POLR3A: variants seen among roughly 807,000 people sequenced by gnomAD.
The protein encoded by POLR3A is RNA polymerase III subunit A.
In POLR3A, 112 loss-of-function variants were observed where a neutral mutation model predicts 152.8. The observed-to-expected ratio is 0.73, with a 90% confidence interval of 0.63 to 0.86. POLR3A has a LOEUF of 0.86. Among genes scored for constraint, POLR3A ranks in the 40% least tolerant of loss-of-function variants. POLR3A has a pLI of 0.00. For synonymous variants in POLR3A, 615 were observed against 652.1 expected, an observed-to-expected ratio of 0.94 and a Z score of 0.87; for missense variants, 1,385 against 1,743.1, an observed-to-expected ratio of 0.79 and a Z score of 3.66.
rs1847538012 is a variant in POLR3A, at chr10:78,017,662, G to A, written c.1344C>T (p.Asp448=). The A allele has an allele frequency of 6.2e-7, 1 of 1,614,122 alleles. No individual in the cohort carries two copies. The highest frequency in any genetic ancestry group is 1.3e-5 in the African/African-American group (1 of 75,050). The change falls in exon 10 of 31, where the codon GAC becomes GAT. Residue 448 remains aspartate (D), a synonymous_variant. Transcript: ENST00000372371. ...CATCGATGAGGTGTCTCTCTACGATGTCACCATACTTGAGCTCTTGAGCCA... is the reference window on the plus strand; with the variant it reads ...CATCGATGAGGTGTCTCTCTACGATATCACCATACTTGAGCTCTTGAGCCA... ...EKMAQELKYG[D]IVERHLIDGD...
intron 22 of POLR3A, 32 bp downstream of exon 22, chr10:77,986,041 C>G: frequency 6.3e-7 from 1 of 1,589,240 alleles, no homozygotes; most frequent in South Asian, 1.1e-5. Flanking sequence ...ACAAACAGCT[C>G]GGGGTTCTAA....
At chr10:77,982,986 G>GTA (rs1847163096) in intron 26 of POLR3A, among the ~76,000 whole-genome samples, 169 bp from the exon 27 acceptor site, 1 of 152,102 alleles carries the variant, frequency 6.6e-6, no homozygotes, top group Non-Finnish European at 1.5e-5. Flanking sequence ...TACTATATGT[G>GTA]TATATATATC....
rs1245058724 is a variant in POLR3A, at chr10:77,976,707, G to A, written c.*771C>T. 1.3e-5 allele frequency: 2 copies of A among 152,262 alleles called. No homozygotes were observed. Among genetic ancestry groups the A allele is most frequent in the Non-Finnish European group, 1.5e-5 (1 of 68,074 alleles). 9.4% of individuals were successfully genotyped at this position (152,262 alleles called of 1,614,324 possible). On this transcript the variant is annotated 3_prime_UTR_variant, in exon 31 of 31. Transcript: ENST00000372371. ...CTCCAGTGAGGCTTCCATAGGCCAT[G>A]GAGAATGGGTTTGGCTCTTGTCACA... is the stretch of plus-strand genomic sequence containing the variant.
At chr10:77,982,064 A>G (rs1321179685) in intron 28 of POLR3A, 90 bp downstream of exon 28, 1 of 799,472 alleles carries the variant, frequency 1.3e-6, no homozygotes, top group Non-Finnish European at 1.9e-6. Flanking sequence ...AAAAAAAAAA[A>G]AAGAAGTATA....
At chr10:78,018,306 CTGGTCAACA>C (rs1847544958) in intron 9 of POLR3A, among the ~76,000 whole-genome samples, 3 of 151,950 alleles carry the variant, frequency 2.0e-5, no homozygotes, top group Admixed American at 1.3e-4. Context: ...CGAAACCAGC[CTGGTCAACA>C]TGGTGAAAAC....
chr10:77,985,864 A>C, intron 23 of POLR3A, 39 bp downstream of exon 23: 1 of 1,466,420 alleles, frequency 6.8e-7, no homozygotes, highest in Non-Finnish European at 9.6e-7. Context: ...CGTGAGACCT[A>C]TGTGGATGAC....
At chr10:77,996,197 C>A (rs144476250) in intron 19 of POLR3A, among the ~76,000 whole-genome samples, 4,870 of 152,056 alleles carry the variant, frequency 0.032, 289 homozygotes, top group African/African-American at 0.11. Context: ...TAAATGCCCA[C>A]AAGAGAAAGC....
chr10:77,986,208 G>T, intron 21 of POLR3A, 49 bp from the exon 22 acceptor site: 1 of 921,728 alleles, frequency 1.1e-6, no homozygotes, highest in South Asian at 1.3e-5. Flanking sequence ...CAGTCATGCA[G>T]ATGACATAAT....
At chr10:78,007,219 C>T (rs1422225504) in intron 15 of POLR3A, among the ~76,000 whole-genome samples, 1 of 152,144 alleles carries the variant, frequency 6.6e-6, no homozygotes, top group Non-Finnish European at 1.5e-5. Context: ...TATACCCAGG[C>T]AAGTATAAGA....
Position 77,991,081 on chromosome 10 carries a change from G to A in POLR3A, c.2874C>T (p.Phe958=). ...TTESIMKKSE[F]LCCQDSFLQE... ...GCAGGAAGCTGTCCTGGCAGCAGAG[G>A]AACTCACTCTTCTTCATGATGGACT... is the stretch of plus-strand genomic sequence containing the variant. Residue 958 remains phenylalanine, a synonymous_variant, in exon 21 of 31, where the codon TTC becomes TTT. Coordinates refer to ENST00000372371, the MANE Select transcript of POLR3A (RefSeq NM_007055.4). The A allele has an allele frequency of 6.2e-7, 1 of 1,611,308 alleles. No individual in the cohort carries two copies.
intron 11 of POLR3A, among the ~76,000 whole-genome samples, chr10:78,012,136 G>C (rs1028668035): frequency 2.6e-5 from 4 of 152,112 alleles, no homozygotes; most frequent in African/African-American, 9.7e-5. Context: ...AGGCCGAATC[G>C]GGCGGATCAC....
intron 19 of POLR3A, among the ~76,000 whole-genome samples, chr10:77,996,489 G>T (rs1245450659): frequency 1.3e-5 from 2 of 152,152 alleles, no homozygotes; most frequent in Non-Finnish European, 2.9e-5. Flanking sequence ...TATCACCAAC[G>T]ATCCCACAGA....
At chr10:77,983,776 G>A (rs1847170975) in intron 26 of POLR3A, 144 bp downstream of exon 26, 6 of 696,458 alleles carry the variant, frequency 8.6e-6, no homozygotes, top group Non-Finnish European at 1.6e-5. Context: ...AATGTGAGGG[G>A]ACAACAGAAT....
intron 9 of POLR3A, 65 bp downstream of exon 9, chr10:78,019,097 G>A (rs941724578): frequency 5.4e-5 from 59 of 1,098,028 alleles, no homozygotes; most frequent in Non-Finnish European, 8.2e-5. Flanking sequence ...CTGTGGCTGA[G>A]TATGACCACA....
intron 15 of POLR3A, among the ~76,000 whole-genome samples, chr10:78,006,871 C>T (rs370651537): frequency 6.6e-6 from 1 of 152,080 alleles, no homozygotes; most frequent in Non-Finnish European, 1.5e-5. Context: ...GTAATCCTAG[C>T]ACTTTGGGAG....
At chr10:77,996,173 G>A (rs1171725280) in intron 19 of POLR3A, among the ~76,000 whole-genome samples, 1 of 151,886 alleles carries the variant, frequency 6.6e-6, no homozygotes, top group Non-Finnish European at 1.5e-5. Flanking sequence ...TGTGTAGAGG[G>A]AAATTTATAG....
intron 1 of POLR3A, among the ~76,000 whole-genome samples, chr10:78,026,537 C>T (rs1847636431): frequency 6.6e-6 from 1 of 152,216 alleles, no homozygotes; most frequent in Admixed American, 6.5e-5. Context: ...GCACCCTGCC[C>T]AATCCTGAAG....
chr10:77,988,268 T>A (rs1418256827), intron 21 of POLR3A, among the ~76,000 whole-genome samples: 1 of 152,182 alleles, frequency 6.6e-6, no homozygotes, highest in South Asian at 2.1e-4. Flanking sequence ...ATGCCTGTAA[T>A]CCCAGCACTT....
chr10:77,980,616 G>A (rs866004762), intron 29 of POLR3A, among the ~76,000 whole-genome samples: 2 of 152,126 alleles, frequency 1.3e-5, no homozygotes, highest in African/African-American at 4.8e-5. Context: ...AGTATGAAGA[G>A]AATTAATTAA....
Sources: gnomAD v4.1 joint callset for allele counts (sites outside exome capture counted in the v4.1 genomes callset) on GRCh38, gnomAD v4.1.1 for gene constraint, MANE v1.5 for transcripts, NCBI Gene and HGNC (gene_info 2026-07-23, HGNC 2026-07-21) for gene names.